The following LRRC7 variants were observed in gnomAD, a reference collection of about 807,000 sequenced individuals.
LRRC7 encodes leucine rich repeat containing 7, also known as leucine-rich repeat-containing protein 7.
In LRRC7, 23 loss-of-function variants were observed where a neutral mutation model predicts 175.7. The observed-to-expected ratio is 0.13, with a 90% confidence interval of 0.09 to 0.19. LRRC7 has a LOEUF of 0.19. Ranked by LOEUF, LRRC7 falls within the 10% of genes least tolerant of loss-of-function variation. The pLI is 1.00. For missense variants in LRRC7, 1,354 were observed against 1,904.7 expected (o/e 0.71, Z 5.38); for synonymous variants, 685 against 680.9 (o/e 1.01, Z -0.09).
chr1:69,881,916 C>T (rs1686650392), intron 7 of LRRC7, among the ~76,000 whole-genome samples: 1 of 147,086 alleles, frequency 6.8e-6, no homozygotes, highest in Non-Finnish European at 1.5e-5. Context: ...AAATACAAGG[C>T]ACCCTATAGA....
chr1:69,984,066 C>T (rs1290111585), intron 9 of LRRC7, among the ~76,000 whole-genome samples: 1 of 152,098 alleles, frequency 6.6e-6, no homozygotes, highest in Non-Finnish European at 1.5e-5. Flanking sequence ...GCTGGTATTA[C>T]AGGTGCCCGC....
At chr1:69,915,641 G>A (rs897779798) in intron 7 of LRRC7, among the ~76,000 whole-genome samples, 1 of 152,014 alleles carries the variant, frequency 6.6e-6, no homozygotes, top group Non-Finnish European at 1.5e-5. Flanking sequence ...TTTTCAACAA[G>A]CTTTGCCAAA....
rs574357981 is a variant in LRRC7, at chr1:69,650,539, C to CAAAAA, written c.3-27831_3-27827dup. Among the ~76,000 whole-genome samples, 29 of 79,218 alleles carry CAAAAA rather than the reference C, an allele frequency of 3.7e-4. 1 individual carries two copies. The highest frequency in any genetic ancestry group is 1.1e-3 in the South Asian group (2 of 1,802). The allele number at this position is 79,218 out of a possible 152,430, so 52.0% of individuals were successfully genotyped here. Reference sequence around the variant, plus strand: ...TGGGCGAAAAAGAGAGACTCCGTCTCAAAAAAAAAAAAAAATGCCAAGCAT... The same window carrying CAAAAA: ...TGGGCGAAAAAGAGAGACTCCGTCTCAAAAAAAAAAAAAAAAAAAATGCCAAGCAT... On this transcript the variant is annotated intron_variant, in intron 1 of 26. Coordinates refer to ENST00000651989, the MANE Select transcript of LRRC7 (RefSeq NM_001370785.2).
At chr1:69,777,450 A>G (rs1672938249) in intron 3 of LRRC7, among the ~76,000 whole-genome samples, 1 of 152,184 alleles carries the variant, frequency 6.6e-6, no homozygotes, top group African/African-American at 2.4e-5. Flanking sequence ...CTGGGTTATC[A>G]CCTTCATCTA....
intron 7 of LRRC7, among the ~76,000 whole-genome samples, chr1:69,881,146 T>G (rs759167908): frequency 5.3e-5 from 8 of 152,226 alleles, no homozygotes; most frequent in Non-Finnish European, 1.2e-4. Context: ...AAAGCGGGAC[T>G]ATGTCTTATT....
chr1:69,837,527 C>T lies in LRRC7; in HGVS notation c.591-700C>T, dbSNP rs541420239. Among the ~76,000 whole-genome samples, 38 of 151,912 alleles carry T rather than the reference C, an allele frequency of 2.5e-4. No individual in the cohort carries two copies. The South Asian group carries it at 6.4e-3, about 26-fold the overall frequency. ...GAATATGAAAGAGTTTGGATTTCAT[C>T]CAGGTTTGTCTTCCTACAAAGTCCC... On this transcript the variant is annotated intron_variant, in intron 6 of 26. Transcript: ENST00000651989.
At chr1:69,862,828 C>T (rs1684506236) in intron 7 of LRRC7, among the ~76,000 whole-genome samples, 1 of 151,930 alleles carries the variant, frequency 6.6e-6, no homozygotes, top group African/African-American at 2.4e-5. Flanking sequence ...TCCCTTAGAC[C>T]CCCCACCCCC....
At chr1:69,681,482 T>C (rs1660484848) in intron 2 of LRRC7, among the ~76,000 whole-genome samples, 1 of 152,156 alleles carries the variant, frequency 6.6e-6, no homozygotes, top group South Asian at 2.1e-4. Flanking sequence ...ATATTTGCAA[T>C]GTTAAAATCA....
intron 1 of LRRC7, among the ~76,000 whole-genome samples, chr1:69,645,371 A>G (rs1654860108): frequency 6.6e-6 from 1 of 152,096 alleles, no homozygotes; most frequent in Non-Finnish European, 1.5e-5. Flanking sequence ...GGCCTTCACC[A>G]TATAGAGGCT....
intron 4 of LRRC7, among the ~76,000 whole-genome samples, chr1:69,808,081 G>A (rs554855552): frequency 7.9e-5 from 12 of 151,252 alleles, no homozygotes; most frequent in Non-Finnish European, 1.5e-4. Flanking sequence ...TCTTCTGCTT[G>A]ATCAATTCAG....
intron 25 of LRRC7, among the ~76,000 whole-genome samples, chr1:70,095,805 A>T (rs909347390): frequency 2.0e-5 from 3 of 152,186 alleles, no homozygotes; most frequent in African/African-American, 7.2e-5. Context: ...GAACCTAAAC[A>T]TTTTTTAATC....
rs1457943531 is a variant in LRRC7 at position 69,770,519 on chromosome 1, T to C, written c.303+10126T>C. ...TCAAAACTTGAATGATCATTGATTA[T>C]TTTTTTTCCTCCTACTTAAAAAGGA... On this transcript the variant is annotated intron_variant, in intron 3 of 26. Coordinates refer to ENST00000651989, the MANE Select transcript of LRRC7 (RefSeq NM_001370785.2). Among the ~76,000 whole-genome samples the C allele has an allele frequency of 2.0e-5, 3 of 152,020 alleles. No homozygotes were observed. The South Asian group carries it at 6.2e-4, about 32-fold the overall frequency.
At chr1:69,663,065 T>C (rs1283697486) in intron 1 of LRRC7, among the ~76,000 whole-genome samples, 5 of 152,174 alleles carry the variant, frequency 3.3e-5, no homozygotes, top group African/African-American at 7.2e-5. Context: ...GAGAAGACTA[T>C]TTATTATTAT....
At chr1:70,086,480 C>T (rs1001494481) in intron 24 of LRRC7, among the ~76,000 whole-genome samples, 2 of 152,102 alleles carry the variant, frequency 1.3e-5, no homozygotes, top group African/African-American at 4.8e-5. Context: ...TAAAACCGGT[C>T]TCTTAAAAGA....
chr1:70,090,045 G>A (rs576584215), intron 25 of LRRC7, among the ~76,000 whole-genome samples: 2 of 152,184 alleles, frequency 1.3e-5, no homozygotes, highest in South Asian at 4.1e-4. Context: ...TATTTAAAAG[G>A]CAGAGATTTT....
At chr1:69,900,889 G>A (rs536423157) in intron 7 of LRRC7, among the ~76,000 whole-genome samples, 2 of 152,246 alleles carry the variant, frequency 1.3e-5, no homozygotes, top group East Asian at 3.9e-4. Flanking sequence ...ACCAGAGAAT[G>A]ACTCCCATGA....
intron 23 of LRRC7, among the ~76,000 whole-genome samples, chr1:70,070,801 C>T (rs1046971382): frequency 6.6e-6 from 1 of 152,150 alleles, no homozygotes; most frequent in African/African-American, 2.4e-5. Flanking sequence ...TCTTGACTCT[C>T]TACTAGGCCT....
rs569401235 is a variant in LRRC7 at position 69,942,876 on chromosome 1, T to G, written c.711+11306T>G. Among the ~76,000 whole-genome samples, 23 of 152,292 alleles carry G rather than the reference T, an allele frequency of 1.5e-4. 1 individual carries two copies. The highest frequency in any genetic ancestry group is 5.3e-4 in the African/African-American group (22 of 41,590). On this transcript the variant is annotated intron_variant, in intron 8 of 26. Transcript: ENST00000651989. Reference sequence around the variant, plus strand: ...GTCATTATTCAGTCTACTACAAGTTTGTGCAGCCCTTGGCCTATGAGCCAC... The same window carrying G: ...GTCATTATTCAGTCTACTACAAGTTGGTGCAGCCCTTGGCCTATGAGCCAC...
At chr1:69,795,901 ATT>A (rs201689625) in intron 4 of LRRC7, among the ~76,000 whole-genome samples, 3 of 141,628 alleles carry the variant, frequency 2.1e-5, no homozygotes, top group Admixed American at 6.8e-5. Context: ...GAGTAAACAG[ATT>A]TTTTTTGGGT....
Sources: allele counts gnomAD v4.1 joint callset (sites outside exome capture counted in the v4.1 genomes callset), GRCh38; gene constraint gnomAD v4.1.1; transcripts MANE v1.5; gene names NCBI Gene and HGNC (gene_info 2026-07-23, HGNC 2026-07-21).